LRGUK: variants seen among roughly 807,000 people sequenced by gnomAD.
LRGUK encodes leucine-rich repeat and guanylate kinase domain-containing protein.
LRGUK carries 65 observed loss-of-function variants against 76.0 expected under a neutral mutation model. That is an observed-to-expected ratio of 0.85 (90% CI 0.70 to 1.05). The LOEUF (loss-of-function observed/expected upper bound fraction) is 1.05, where lower values mean the gene tolerates loss of function less well. Ranked by LOEUF, LRGUK falls within the 50% of genes least tolerant of loss-of-function variation. The pLI, the probability that LRGUK is intolerant of heterozygous loss-of-function variation, is 0.00. For missense variants in LRGUK, 758 were observed against 732.8 expected, an observed-to-expected ratio of 1.03 and a Z score of -0.40; for synonymous variants, 268 against 265.6, an observed-to-expected ratio of 1.01 and a Z score of -0.09.
At chr7:134,154,014 A>G (rs1798349077) in intron 5 of LRGUK, among the ~76,000 whole-genome samples, 2 of 152,226 alleles carry the variant, frequency 1.3e-5, no homozygotes, top group Admixed American at 1.3e-4. Flanking sequence ...GTCAAAATGT[A>G]AAAATATGTT....
exon 3 of LRGUK, chr7:134,139,455 T>C: frequency 6.2e-7 from 1 of 1,609,802 alleles, no homozygotes; most frequent in Non-Finnish European, 8.5e-7. Context: ...TTAATTGATG[T>C]TAGCATTCTC....
intron 4 of LRGUK, among the ~76,000 whole-genome samples, chr7:134,147,843 T>G (rs1798041438): frequency 6.6e-6 from 1 of 151,734 alleles, no homozygotes; most frequent in African/African-American, 2.4e-5. Context: ...GGGTGGATCA[T>G]GAGGTCAGGA....
intron 11 of LRGUK, among the ~76,000 whole-genome samples, chr7:134,185,476 C>T (rs1414881576): frequency 2.7e-5 from 4 of 150,256 alleles, no homozygotes; most frequent in African/African-American, 7.4e-5. Flanking sequence ...CATGAGAATC[C>T]AAGATTGTGC....
chr7:134,127,858 T>G (rs543197630), intron 1 of LRGUK, among the ~76,000 whole-genome samples, 194 bp downstream of exon 1: 178 of 152,032 alleles, frequency 1.2e-3, no homozygotes, highest in African/African-American at 4.3e-3. Flanking sequence ...CTGCCTGAAA[T>G]AGCTCTAAAT....
At chr7:134,159,694 CAGG>C (rs1207375259) in intron 6 of LRGUK, among the ~76,000 whole-genome samples, 1 of 152,150 alleles carries the variant, frequency 6.6e-6, no homozygotes, top group Non-Finnish European at 1.5e-5. Flanking sequence ...GAGGCTGAGG[CAGG>C]AGAATTGCTT....
chr7:134,212,723 C>T (rs1018675234), downstream of LRGUK, among the ~76,000 whole-genome samples: 4 of 152,148 alleles, frequency 2.6e-5, no homozygotes, highest in African/African-American at 4.8e-5. Flanking sequence ...ATTGAGCACA[C>T]GCTATGTGCC....
intron 1 of LRGUK, among the ~76,000 whole-genome samples, chr7:134,131,869 T>C (rs1797322782): frequency 6.6e-6 from 1 of 151,974 alleles, no homozygotes; most frequent in Non-Finnish European, 1.5e-5. Flanking sequence ...TCATCACCAC[T>C]AGATTCTGGG....
At chr7:134,166,514 G>A (rs920192926) in intron 7 of LRGUK, among the ~76,000 whole-genome samples, 4 of 152,074 alleles carry the variant, frequency 2.6e-5, no homozygotes, top group South Asian at 4.1e-4. Context: ...TCTCAGTGTC[G>A]TTATGTCACA....
At chr7:134,182,425 G>A (rs1317052894) in intron 10 of LRGUK, among the ~76,000 whole-genome samples, 1 of 152,128 alleles carries the variant, frequency 6.6e-6, no homozygotes, top group Non-Finnish European at 1.5e-5. Context: ...GCTGCCCATT[G>A]CTTCCCTCTT....
At chr7:134,162,568 A>T (rs113797580) in intron 6 of LRGUK, among the ~76,000 whole-genome samples, 20,054 of 152,114 alleles carry the variant, frequency 0.13, 1,673 homozygotes, top group East Asian at 0.32. Context: ...GGCTCACGCC[A>T]GTGATCCCAG....
At chr7:134,219,004 C>G (rs1336828634) in intron 15 of LRGUK, among the ~76,000 whole-genome samples, 1 of 152,110 alleles carries the variant, frequency 6.6e-6, no homozygotes, top group Non-Finnish European at 1.5e-5. Context: ...ATAAATTTAA[C>G]TAGCCTATAT....
the LRGUK span, among the ~76,000 whole-genome samples, chr7:134,271,509 C>A: frequency 6.6e-6 from 1 of 151,466 alleles, no homozygotes; most frequent in Admixed American, 6.6e-5. Flanking sequence ...TTTTTTTATT[C>A]CAGTTGTCCC....
At chr7:134,147,857 C>T (rs187934097) in intron 4 of LRGUK, among the ~76,000 whole-genome samples, 2 of 151,746 alleles carry the variant, frequency 1.3e-5, no homozygotes, top group African/African-American at 4.8e-5. Context: ...GTCAGGAGAT[C>T]GAGACCATCC....
chr7:134,235,061 G>C (rs1801982259), intron 16 of LRGUK, among the ~76,000 whole-genome samples: 1 of 152,142 alleles, frequency 6.6e-6, no homozygotes, highest in Admixed American at 6.5e-5. Flanking sequence ...CACCTCTTAA[G>C]TGGTCTCTTT....
chr7:134,196,847 A>G, intron 12 of LRGUK, 145 bp from the exon 13 acceptor site: 1 of 485,068 alleles, frequency 2.1e-6, no homozygotes, highest in Non-Finnish European at 3.6e-6. Flanking sequence ...ATTAAGTTTC[A>G]TTTACCCCAT....
At chr7:134,141,418 T>C (rs760728524) in intron 3 of LRGUK, among the ~76,000 whole-genome samples, 3 of 152,164 alleles carry the variant, frequency 2.0e-5, no homozygotes, top group Admixed American at 2.0e-4. Context: ...CGGGACCACA[T>C]GCCGAAAACC....
intron 15 of LRGUK, among the ~76,000 whole-genome samples, chr7:134,220,294 G>A (rs1801554609): frequency 6.6e-6 from 1 of 152,142 alleles, no homozygotes; most frequent in Non-Finnish European, 1.5e-5. Context: ...CCTTTCTCAA[G>A]ACAGGGGCTA....
chr7:134,262,247 G>A lies in LRGUK; in HGVS notation c.2348-1598G>A, dbSNP rs1002300656. Among the ~76,000 whole-genome samples the A allele has an allele frequency of 5.9e-5, 9 of 152,096 alleles. No individual in the cohort carries two copies. The East Asian group carries it at 9.7e-4, about 16-fold the overall frequency. On this transcript the variant is annotated intron_variant, in intron 19 of 19. Coordinates refer to the LRGUK transcript ENST00000285928. ...AAAGTAGCTGAGTGTGTTGGTGTGC[G>A]CCTGTAATCCCAGCTACTCAGGAGG...
At chr7:134,205,029 G>A (rs1800942180) in intron 15 of LRGUK, among the ~76,000 whole-genome samples, 1 of 152,196 alleles carries the variant, frequency 6.6e-6, no homozygotes, top group South Asian at 2.1e-4. Context: ...GCAAGGTTTA[G>A]TGTTAACAGC....
Sources: gnomAD v4.1 joint callset for allele counts (sites outside exome capture counted in the v4.1 genomes callset) on GRCh38, gnomAD v4.1.1 for gene constraint, MANE v1.5 for transcripts, NCBI Gene and HGNC (gene_info 2026-07-23, HGNC 2026-07-21) for gene names.